The following SGIP1 variants were observed in gnomAD, a reference collection of about 807,000 sequenced individuals.
SGIP1 encodes the protein SH3GL interacting endocytic adaptor 1, also known as SH3-containing GRB2-like protein 3-interacting protein 1.
In SGIP1, 38 loss-of-function variants were observed where a neutral mutation model predicts 107.5. That is an observed-to-expected ratio of 0.35 (90% CI 0.27 to 0.46). SGIP1 has a LOEUF of 0.46. Among genes scored for constraint, SGIP1 ranks in the 20% least tolerant of loss-of-function variants. SGIP1 has a pLI of 1.00. For synonymous variants in SGIP1, 365 were observed against 366.1 expected (o/e 1.00, Z 0.03); for missense variants, 929 against 1,019.5 (o/e 0.91, Z 1.21).
chr1:66,692,921 T>C (rs767111758), intron 17 of SGIP1, among the ~76,000 whole-genome samples: 33 of 152,284 alleles, frequency 2.2e-4, no homozygotes, highest in Admixed American at 7.2e-4. Context: ...TTTTTGTGTA[T>C]TGTCACACTC....
chr1:66,539,282 C>T (rs1298322237), intron 1 of SGIP1, among the ~76,000 whole-genome samples: 3 of 152,102 alleles, frequency 2.0e-5, no homozygotes, highest in Non-Finnish European at 2.9e-5. Context: ...GGAAAAAGTA[C>T]GGTGTGAGGC....
chr1:66,647,037 G>A (rs1281170260), intron 7 of SGIP1, among the ~76,000 whole-genome samples: 1 of 152,186 alleles, frequency 6.6e-6, no homozygotes, highest in Non-Finnish European at 1.5e-5. Context: ...TTTGGCATCT[G>A]TGTAAGTTAG....
chr1:66,554,982 T>C (rs2057977684), intron 1 of SGIP1, among the ~76,000 whole-genome samples: 1 of 152,140 alleles, frequency 6.6e-6, no homozygotes, highest in Admixed American at 6.6e-5. Context: ...TCTCAACTGG[T>C]TAGGAGAACA....
chr1:66,666,689 T>A (rs765740287), intron 8 of SGIP1: 1 of 152,456 alleles, frequency 6.6e-6, no homozygotes, highest in Non-Finnish European at 1.5e-5. Context: ...GTCCTTCACA[T>A]CCCTTGTAAG....
intron 13 of SGIP1, among the ~76,000 whole-genome samples, chr1:66,677,926 C>T (rs561367728): frequency 2.0e-5 from 3 of 152,316 alleles, no homozygotes; most frequent in South Asian, 2.1e-4. Flanking sequence ...CCAGAGCTTA[C>T]GCCTTGGTGC....
intron 19 of SGIP1, among the ~76,000 whole-genome samples, chr1:66,723,136 C>T (rs961443724): frequency 1.3e-5 from 2 of 152,136 alleles, no homozygotes; most frequent in South Asian, 4.1e-4. Flanking sequence ...CTTTATCACT[C>T]ACTTTCAAGG....
chr1:66,714,194 T>C (rs958262294), intron 18 of SGIP1, among the ~76,000 whole-genome samples: 7 of 152,128 alleles, frequency 4.6e-5, no homozygotes, highest in African/African-American at 1.7e-4. Context: ...ATTGATACTA[T>C]CTTTATACCA....
rs1240945413 is a variant in SGIP1 at position 66,684,211 on chromosome 1, T to C, written c.1315+1842T>C. 41 of 1,550,380 alleles carry C rather than the reference T, an allele frequency of 2.6e-5. No homozygotes were observed. In the East Asian group the frequency reaches 8.6e-4, roughly 32 times the overall value. ...AGGTCTGTCTGAGCTGGAGCCTATG[T>C]TGTTAACCAGTGTGCTCTCCAGGCA... On this transcript the variant is annotated intron_variant, in intron 15 of 24. Transcript: ENST00000371037.
chr1:66,542,593 C>T (rs879291708), intron 1 of SGIP1, among the ~76,000 whole-genome samples: 3 of 152,136 alleles, frequency 2.0e-5, no homozygotes, highest in Non-Finnish European at 4.4e-5. Flanking sequence ...AGGACTGATT[C>T]GTGTCCCAGA....
intron 1 of SGIP1, among the ~76,000 whole-genome samples, chr1:66,621,578 G>A (rs1467269928): frequency 6.6e-6 from 1 of 152,166 alleles, no homozygotes; most frequent in African/African-American, 2.4e-5. Context: ...AAGGAAATCT[G>A]TATTCGTTAA....
chr1:66,659,761 T>C (rs2080518589), intron 7 of SGIP1, among the ~76,000 whole-genome samples: 1 of 151,076 alleles, frequency 6.6e-6, no homozygotes, highest in South Asian at 2.1e-4. Flanking sequence ...ATAAAAATAA[T>C]TAGCCAGAGA....
At chr1:66,550,104 C>T (rs754561837) in intron 1 of SGIP1, among the ~76,000 whole-genome samples, 7 of 152,150 alleles carry the variant, frequency 4.6e-5, no homozygotes, top group Non-Finnish European at 1.0e-4. Context: ...GAGGGATATT[C>T]CTTCTCATTA....
intron 18 of SGIP1, among the ~76,000 whole-genome samples, chr1:66,718,164 C>T (rs181771256): frequency 2.6e-5 from 4 of 151,968 alleles, no homozygotes; most frequent in Admixed American, 2.0e-4. Context: ...GAGAAGAGGA[C>T]AAAAGTTATT....
At chr1:66,596,395 G>A (rs931910054) in intron 1 of SGIP1, among the ~76,000 whole-genome samples, 2 of 152,112 alleles carry the variant, frequency 1.3e-5, no homozygotes, top group African/African-American at 4.8e-5. Flanking sequence ...ACCTTTTATG[G>A]GCTCAGAATG....
intron 4 of SGIP1, among the ~76,000 whole-genome samples, chr1:66,637,732 T>C (rs991903471): frequency 1.0e-4 from 15 of 149,148 alleles, no homozygotes; most frequent in African/African-American, 3.8e-4. Context: ...GAAAAACAAG[T>C]ATATATATAT....
intron 18 of SGIP1, among the ~76,000 whole-genome samples, chr1:66,716,109 C>T (rs1572180617): frequency 6.6e-6 from 1 of 152,128 alleles, no homozygotes; most frequent in East Asian, 1.9e-4. Flanking sequence ...CCAGGTATGT[C>T]TGATGCTAAA....
At chr1:66,668,788 T>C (rs999349384) in intron 9 of SGIP1, among the ~76,000 whole-genome samples, 1 of 152,244 alleles carries the variant, frequency 6.6e-6, no homozygotes, top group Admixed American at 6.5e-5. Flanking sequence ...ACATCACAGA[T>C]TATGAAAAGA....
intron 1 of SGIP1, among the ~76,000 whole-genome samples, chr1:66,545,461 G>A (rs912707541): frequency 6.6e-6 from 1 of 152,206 alleles, no homozygotes; most frequent in Non-Finnish European, 1.5e-5. Flanking sequence ...GCTTAAACCT[G>A]TGTGTGTGAC....
At chr1:66,717,259 G>T (rs1199228525) in intron 18 of SGIP1, among the ~76,000 whole-genome samples, 1 of 152,132 alleles carries the variant, frequency 6.6e-6, no homozygotes, top group East Asian at 1.9e-4. Context: ...AACAGTTAGA[G>T]AAGCCATTCT....
Sources: allele counts gnomAD v4.1 joint callset (sites outside exome capture counted in the v4.1 genomes callset), GRCh38; gene constraint gnomAD v4.1.1; transcripts MANE v1.5; gene names NCBI Gene and HGNC (gene_info 2026-07-23, HGNC 2026-07-21).